COL14A1: variants seen among roughly 807,000 people sequenced by gnomAD.
COL14A1 encodes the protein collagen alpha-1(XIV) chain.
COL14A1 carries 136 observed loss-of-function variants against 230.3 expected under a neutral mutation model. The ratio of observed to expected loss-of-function variants is 0.59; its 90% confidence interval spans 0.51 to 0.68. COL14A1 has a LOEUF of 0.68. COL14A1 is among the 30% of genes least tolerant of loss of function. The probability of loss-of-function intolerance (pLI) is 0.00; values close to 1 mark genes in which losing one functional copy is unlikely to be tolerated. For synonymous variants in COL14A1, 792 were observed against 784.1 expected, an observed-to-expected ratio of 1.01 and a Z score of -0.17; for missense variants, 1,976 against 2,215.8, an observed-to-expected ratio of 0.89 and a Z score of 2.17.
chr8:120,253,289 G>C (rs985539869), intron 22 of COL14A1, among the ~76,000 whole-genome samples: 1 of 152,072 alleles, frequency 6.6e-6, no homozygotes, highest in African/African-American at 2.4e-5. Context: ...GATTACAGGC[G>C]TGAGCCACTA....
intron 24 of COL14A1, among the ~76,000 whole-genome samples, chr8:120,265,494 G>A (rs1330207034): frequency 1.3e-5 from 2 of 151,808 alleles, no homozygotes; most frequent in Non-Finnish European, 2.9e-5. Context: ...ATCCATAATA[G>A]TAAAACAGAA....
intron 11 of COL14A1, among the ~76,000 whole-genome samples, chr8:120,209,330 T>C (rs185902497): frequency 6.6e-6 from 1 of 152,016 alleles, no homozygotes; most frequent in African/African-American, 2.4e-5. Flanking sequence ...ACCACTGCAC[T>C]CCAGCCTGGA....
intron 8 of COL14A1, among the ~76,000 whole-genome samples, chr8:120,202,909 A>G (rs1338965466): frequency 6.7e-6 from 1 of 150,216 alleles, no homozygotes; most frequent in Non-Finnish European, 1.5e-5. Context: ...ACTAGACAGC[A>G]AATTGTATTT....
Position 120,208,381 on chromosome 8 carries a change from CCA to C in COL14A1, c.1321+22_1321+23del. The stretch of plus-strand genomic sequence containing the variant: ...CTACACGTATGTATTTAATTCTACC[CCA>C]CTTCTAACTTTGTAGAGTGCTGCTT... On this transcript the variant is annotated intron_variant, in intron 11 of 47. Coordinates refer to ENST00000297848, the MANE Select transcript of COL14A1 (RefSeq NM_021110.4). The C allele has an allele frequency of 6.2e-7, 1 of 1,607,464 alleles. No homozygotes were observed. The highest frequency in any genetic ancestry group is 8.5e-7 in the Non-Finnish European group (1 of 1,176,210).
intron 2 of COL14A1, among the ~76,000 whole-genome samples, chr8:120,156,202 C>G (rs995771347): frequency 6.7e-6 from 1 of 149,356 alleles, no homozygotes; most frequent in Non-Finnish European, 1.5e-5. Context: ...GAGTCTCTCT[C>G]TGTCTCGTCC....
intron 19 of COL14A1, among the ~76,000 whole-genome samples, chr8:120,238,458 C>G (rs750251160): frequency 6.6e-6 from 1 of 152,126 alleles, no homozygotes; most frequent in African/African-American, 2.4e-5. Context: ...ACCCCTCCCC[C>G]CACCAAGCTC....
chr8:120,127,740 C>T (rs1814391213), intron 1 of COL14A1, among the ~76,000 whole-genome samples: 1 of 152,226 alleles, frequency 6.6e-6, no homozygotes, highest in African/African-American at 2.4e-5. Flanking sequence ...AGTTGACAGC[C>T]TCTGCAGTGA....
intron 14 of COL14A1, among the ~76,000 whole-genome samples, chr8:120,224,599 T>A (rs1375491257): frequency 6.6e-6 from 1 of 152,244 alleles, no homozygotes; most frequent in Non-Finnish European, 1.5e-5. Context: ...GGAAAATATT[T>A]TCACCAAATA....
chr8:120,180,066 A>G (rs1816413409), intron 5 of COL14A1, among the ~76,000 whole-genome samples: 1 of 152,180 alleles, frequency 6.6e-6, no homozygotes, highest in Non-Finnish European at 1.5e-5. Flanking sequence ...TAAAGACTTA[A>G]ACATAAGACC....
At position 120,238,055 on chromosome 8, in the gene COL14A1, T is replaced by C. The variant is rs144679815; in HGVS notation, c.2350-5824T>C. Among the ~76,000 whole-genome samples the C allele has an allele frequency of 3.9e-3, 589 of 152,228 alleles. 6 individuals are homozygous for C. Among genetic ancestry groups the C allele is most frequent in the African/African-American group, 0.012 (519 of 41,566 alleles). ...CCTGTATGAAGTGTCTGTCGACTCC[T>C]GGTGTCTCCCCATCAGGAGGCACGG... On this transcript the variant is annotated intron_variant, in intron 19 of 47. Coordinates refer to ENST00000297848, the MANE Select transcript of COL14A1 (RefSeq NM_021110.4).
intron 14 of COL14A1, among the ~76,000 whole-genome samples, chr8:120,217,266 G>A (rs1268701288): frequency 6.6e-6 from 1 of 152,106 alleles, no homozygotes; most frequent in Non-Finnish European, 1.5e-5. Flanking sequence ...AATAATTCAA[G>A]TTTTATCTAA....
Position 120,285,931 on chromosome 8 carries a change from A to G in COL14A1, c.4038A>G (p.Gly1346=), listed in dbSNP as rs745390092. Residue 1346 remains glycine (G), a synonymous_variant, in exon 33 of 48, where the codon GGA becomes GGG. Coordinates refer to ENST00000297848, the MANE Select transcript of COL14A1 (RefSeq NM_021110.4). ...ATTTTCAAACTGTTACTTTCGAAGGACCTGAAATTAGGAAAATTTTTTATG... is the reference window on the plus strand; with the variant it reads ...ATTTTCAAACTGTTACTTTCGAAGGGCCTGAAATTAGGAAAATTTTTTATG... The part of the protein sequence containing the change: ...SGDFQTVTFE[G]PEIRKIFYGS... 8 of 1,611,224 alleles carry G rather than the reference A, an allele frequency of 5.0e-6. No homozygotes were observed. The highest frequency in any genetic ancestry group is 4.5e-5 in the East Asian group (2 of 44,822).
intron 13 of COL14A1, 82 bp from the exon 14 acceptor site, chr8:120,216,269 G>A (rs1817746385): frequency 8.7e-7 from 1 of 1,155,492 alleles, no homozygotes; most frequent in Admixed American, 2.2e-5. Flanking sequence ...TATGTAAATA[G>A]TTTAGAAGTC....
chr8:120,171,834 T>C (rs1298928237), intron 5 of COL14A1, among the ~76,000 whole-genome samples: 1 of 152,154 alleles, frequency 6.6e-6, no homozygotes, highest in Non-Finnish European at 1.5e-5. Flanking sequence ...TTTATGACAG[T>C]TTCTTTTGAC....
chr8:120,268,579 A>G (rs948053097), intron 25 of COL14A1, among the ~76,000 whole-genome samples: 1 of 151,704 alleles, frequency 6.6e-6, no homozygotes, highest in Non-Finnish European at 1.5e-5. Context: ...GTGCTTTTGC[A>G]ACTTGAATGC....
intron 3 of COL14A1, 76 bp downstream of exon 3, chr8:120,158,322 A>G (rs1354649383): frequency 3.5e-5 from 29 of 834,592 alleles, no homozygotes; most frequent in Non-Finnish European, 5.7e-5. Flanking sequence ...TGTAGTGCCA[A>G]GCATTGTGTT....
chr8:120,256,683 G>T (rs557873364), intron 23 of COL14A1, among the ~76,000 whole-genome samples: 8 of 152,164 alleles, frequency 5.3e-5, no homozygotes, highest in Admixed American at 1.3e-4. Context: ...AGTAGATAAA[G>T]CACAGGCAAC....
intron 36 of COL14A1, among the ~76,000 whole-genome samples, chr8:120,308,738 T>C (rs1345177422): frequency 6.6e-6 from 1 of 152,196 alleles, no homozygotes; most frequent in Non-Finnish European, 1.5e-5. Flanking sequence ...ACAGAATCCC[T>C]TTTAGTAATC....
At chr8:120,218,913 T>C (rs148759041) in intron 14 of COL14A1, among the ~76,000 whole-genome samples, 236 of 152,258 alleles carry the variant, frequency 1.5e-3, no homozygotes, top group African/African-American at 5.5e-3. Context: ...GTTGACTCAT[T>C]GAACAACGAA....
Sources: allele counts gnomAD v4.1 joint callset (sites outside exome capture counted in the v4.1 genomes callset), GRCh38; gene constraint gnomAD v4.1.1; transcripts MANE v1.5; gene names NCBI Gene and HGNC (gene_info 2026-07-23, HGNC 2026-07-21).